CEACAM20: variants seen among roughly 807,000 people sequenced by gnomAD.
CEACAM20 encodes the protein CEA cell adhesion molecule 20.
In CEACAM20, 50 loss-of-function variants were observed where a neutral mutation model predicts 61.2. The ratio of observed to expected loss-of-function variants is 0.82; its 90% confidence interval spans 0.65 to 1.03. CEACAM20 has a LOEUF of 1.03. Among genes scored for constraint, CEACAM20 ranks in the 50% least tolerant of loss-of-function variants. The pLI, the probability that CEACAM20 is intolerant of heterozygous loss-of-function variation, is 0.00. For synonymous variants in CEACAM20, 282 were observed against 287.7 expected (o/e 0.98, Z 0.20); for missense variants, 683 against 736.4 (o/e 0.93, Z 0.84).
At chr19:44,513,443 C>CTT (rs398034749) in intron 6 of CEACAM20, among the ~76,000 whole-genome samples, 154 bp from the exon 7 acceptor site, 6,536 of 117,078 alleles carry the variant, frequency 0.056, 435 homozygotes, top group East Asian at 0.25. Flanking sequence ...TTTGGTTTTG[C>CTT]TTTTTTTTTT....
rs1225616524 is a variant in CEACAM20, at chr19:44,524,192, T to C, written c.266A>G (p.Tyr89Cys). Residue 89 changes from tyrosine to cysteine, a missense_variant, in exon 3 of 12, where the codon TAC (tyrosine) becomes TGC (cysteine). Tyr to Cys is a radical substitution (Grantham distance 194). Coordinates refer to ENST00000614924, the MANE Select transcript of CEACAM20 (RefSeq NM_001102597.3). Reference sequence around the variant, plus strand: ...AATGTTGACGTCCTTAGTGGTGCAGTAGAAGGTCACCATGTCCTTCTGCTC... The same window carrying C: ...AATGTTGACGTCCTTAGTGGTGCAGCAGAAGGTCACCATGTCCTTCTGCTC... ...AIEQKDMVTF[Y>C]CTTKDVNITI... 1.2e-6 allele frequency: 2 copies of C among 1,613,760 alleles called. No individual in the cohort carries two copies. The highest frequency in any genetic ancestry group is 1.7e-5 in the Admixed American group (1 of 59,988).
intron 11 of CEACAM20, among the ~76,000 whole-genome samples, chr19:44,509,384 GA>G (rs1970908360): frequency 2.6e-5 from 4 of 151,560 alleles, no homozygotes; most frequent in Middle Eastern, 6.8e-3. Flanking sequence ...GAAAAGGGGG[GA>G]AATGGAATGC....
Position 44,515,628 on chromosome 19 carries a change from T to C in CEACAM20, c.1309+1318A>G, listed in dbSNP as rs938846421. The stretch of plus-strand genomic sequence containing the variant: ...CCAAGAAGTGTTTGCTGATATTATA[T>C]ATGGGAAAGTTGGATTCAGACATGT... On this transcript the variant is annotated intron_variant, in intron 6 of 11. Transcript: ENST00000614924. 3.3e-5 allele frequency among the ~76,000 whole-genome samples: 5 copies of C among 152,182 alleles called. No individual in the cohort carries two copies. In the East Asian group the frequency reaches 5.8e-4, roughly 18 times the overall value.
chr19:44,529,420 C>T, intron 1 of CEACAM20, 38 bp downstream of exon 1: 1 of 1,597,078 alleles, frequency 6.3e-7, no homozygotes. Context: ...TGCATACAAC[C>T]TCCCTCCTCC....
intron 8 of CEACAM20, 57 bp from the exon 9 acceptor site, chr19:44,512,135 G>A (rs1380346077): frequency 2.2e-6 from 3 of 1,393,844 alleles, no homozygotes; most frequent in East Asian, 2.4e-5. Context: ...TGGGGCAAGG[G>A]GCTGTTTTTC....
intron 11 of CEACAM20, among the ~76,000 whole-genome samples, chr19:44,508,029 T>C (rs568936292): frequency 6.6e-6 from 1 of 152,356 alleles, no homozygotes; most frequent in Admixed American, 6.5e-5. Context: ...GGAACACATT[T>C]ATCCCTCTAC....
intron 6 of CEACAM20, among the ~76,000 whole-genome samples, chr19:44,513,677 G>C (rs1599669107): frequency 6.6e-6 from 1 of 152,068 alleles, no homozygotes; most frequent in East Asian, 1.9e-4. Flanking sequence ...CTGACCTCAA[G>C]TGATCCGCCC....
intron 4 of CEACAM20, among the ~76,000 whole-genome samples, chr19:44,520,990 A>G (rs1335896805): frequency 6.6e-6 from 1 of 151,436 alleles, no homozygotes; most frequent in Non-Finnish European, 1.5e-5. Flanking sequence ...GTGTATGGAG[A>G]GTGTGTGGTG....
rs528655462 is a variant in CEACAM20, at chr19:44,510,938, T to C, written c.1737+92A>G. 1,588 of 1,475,524 alleles carry C rather than the reference T, an allele frequency of 1.1e-3. 10 individuals carry two copies. Among genetic ancestry groups the C allele is most frequent in the Middle Eastern group, 4.5e-3 (26 of 5,770 alleles). 91.4% of individuals were successfully genotyped at this position (1,475,524 alleles called of 1,614,324 possible). ...ATTTTTAAAGGGAAATTTTTCTTCA[T>C]AGTTCATCCTACAGACTCTTTAGTA... is the stretch of plus-strand genomic sequence containing the variant. On this transcript the variant is annotated intron_variant, in intron 11 of 11. Coordinates refer to ENST00000614924, the MANE Select transcript of CEACAM20 (RefSeq NM_001102597.3).
At chr19:44,522,979 T>C in intron 3 of CEACAM20, 67 bp from the exon 4 acceptor site, 1 of 1,331,838 alleles carries the variant, frequency 7.5e-7, no homozygotes, top group South Asian at 1.3e-5. Flanking sequence ...TGGAGGTCTT[T>C]AACGGATCAA....
At position 44,513,188 on chromosome 19, in the gene CEACAM20, T is replaced by C. The variant is rs766990559; in HGVS notation, c.1411A>G (p.Ile471Val). The C allele has an allele frequency of 6.2e-7, 1 of 1,612,320 alleles. No homozygotes were observed. Among genetic ancestry groups the C allele is most frequent in the Non-Finnish European group, 8.5e-7 (1 of 1,178,540 alleles). Reference protein sequence around the residue: ...VASELGYFLCIRNARRPSRKT... With the variant: ...VASELGYFLCVRNARRPSRKT... Reference sequence around the variant, plus strand: ...CTGTGTTACCGTCTGGCATTTCTGATGCAGAGAAAATAGCCCAGTTCTGAG... The same window carrying C: ...CTGTGTTACCGTCTGGCATTTCTGACGCAGAGAAAATAGCCCAGTTCTGAG... Residue 471 changes from isoleucine to valine, a missense_variant, in exon 7 of 12, where the codon ATC becomes GTC. Coordinates refer to ENST00000614924, the MANE Select transcript of CEACAM20 (RefSeq NM_001102597.3).
At chr19:44,520,439 G>A (rs760512349) in intron 5 of CEACAM20, 35 bp downstream of exon 5, 8 of 1,597,064 alleles carry the variant, frequency 5.0e-6, no homozygotes, top group East Asian at 2.2e-5. Context: ...AGGGAAGCAG[G>A]GAGATGGGGA....
intron 6 of CEACAM20, among the ~76,000 whole-genome samples, chr19:44,514,573 C>T (rs1332256425): frequency 1.3e-5 from 2 of 152,034 alleles, no homozygotes; most frequent in Admixed American, 6.6e-5. Context: ...TTCACCCTCC[C>T]AAGTAGCTGG....
In CEACAM20 at chr19:44,514,615, A is replaced by G. The variant is rs560382606; in HGVS notation, c.1310-1326T>C. 8.6e-5 allele frequency among the ~76,000 whole-genome samples: 13 copies of G among 151,662 alleles called. 1 individual carries two copies. In the South Asian group the frequency reaches 2.7e-3, roughly 32 times the overall value. ...AGGTGTGCACTGCCATGCCTGGCTA[A>G]TTTGTGTGTGTGTGTGTATTTTTAG... On this transcript the variant is annotated intron_variant, in intron 6 of 11. Transcript: ENST00000614924.
intron 1 of CEACAM20, among the ~76,000 whole-genome samples, chr19:44,527,181 C>T (rs1340246790): frequency 6.6e-6 from 1 of 152,184 alleles, no homozygotes; most frequent in African/African-American, 2.4e-5. Context: ...AATAGTAGAA[C>T]TCAGCTCATC....
intron 6 of CEACAM20, among the ~76,000 whole-genome samples, chr19:44,514,119 C>A (rs902268580): frequency 5.3e-5 from 8 of 152,148 alleles, no homozygotes; most frequent in African/African-American, 1.9e-4. Flanking sequence ...CTCACTGCGG[C>A]CATGTGACCC....
rs1295124390 is a variant in CEACAM20 at position 44,510,592 on chromosome 19, G to T, written c.1737+438C>A. Among the ~76,000 whole-genome samples, 4 of 54,352 alleles carry T rather than the reference G, an allele frequency of 7.4e-5. No individual in the cohort carries two copies. The East Asian group carries it at 4.6e-3, about 62-fold the overall frequency. 35.7% of individuals were successfully genotyped at this position (54,352 alleles called of 152,430 possible). A position where few individuals can be genotyped will look rare whatever the true frequency, so the allele number is the denominator to read the frequency against. ...AGAAAGAAAGAAAGAAAGAAAGAAA[G>T]AAAGAAAGAAAGAAAGAAAAAGGAA... On this transcript the variant is annotated intron_variant, in intron 11 of 11. Coordinates refer to ENST00000614924, the MANE Select transcript of CEACAM20 (RefSeq NM_001102597.3).
chr19:44,520,795 C>T (rs1971338872), intron 4 of CEACAM20, 43 bp from the exon 5 acceptor site: 2 of 1,581,364 alleles, frequency 1.3e-6, no homozygotes, highest in South Asian at 1.1e-5. Flanking sequence ...AGGGAGATTT[C>T]CCTCATCTCC....
intron 6 of CEACAM20, among the ~76,000 whole-genome samples, chr19:44,515,220 TGATGA>T (rs1971121519): frequency 9.7e-6 from 1 of 103,390 alleles, no homozygotes; most frequent in Non-Finnish European, 2.4e-5. Flanking sequence ...GCTTGACAAA[TGATGA>T]TGATGATGAT....
Sources: gnomAD v4.1 joint callset for allele counts (sites outside exome capture counted in the v4.1 genomes callset) on GRCh38, gnomAD v4.1.1 for gene constraint, MANE v1.5 for transcripts, NCBI Gene and HGNC (gene_info 2026-07-23, HGNC 2026-07-21) for gene names.